The following ITGB2 variants were observed in gnomAD, a reference collection of about 807,000 sequenced individuals.
ITGB2 encodes integrin beta-2.
ITGB2 carries 56 observed loss-of-function variants against 86.8 expected under a neutral mutation model. The ratio of observed to expected loss-of-function variants is 0.65; its 90% CI spans 0.52 to 0.81. ITGB2 has a LOEUF of 0.81. Among genes scored for constraint, ITGB2 ranks in the 30% least tolerant of loss-of-function variants. ITGB2 has a pLI of 0.00. For missense variants in ITGB2, 948 were observed against 1,061.2 expected (o/e 0.89, Z 1.48); for synonymous variants, 457 against 450.4 (o/e 1.01, Z -0.19).
At chr21:44,928,281 CT>C (rs898676683) in intron 1 of ITGB2, 1 of 152,240 alleles carries the variant, frequency 6.6e-6, no homozygotes, top group Non-Finnish European at 1.5e-5. Context: ...TCCAGGCCCC[CT>C]GGGGGTGGGA....
Position 44,895,078 on chromosome 21 carries a change from C to A in ITGB2, c.994-18G>T. ...GTGAGTTTCTGTTGGGCAAGAAGAC[C>A]AGACATGGCACGGCTAGGACCTGTG... is the stretch of plus-strand genomic sequence containing the variant. On this transcript the variant is annotated intron_variant, in intron 8 of 15. Transcript: ENST00000652462. 1 of 1,587,848 alleles carries A rather than the reference C, an allele frequency of 6.3e-7. No individual in the cohort carries two copies. Among genetic ancestry groups the A allele is most frequent in the South Asian group, 1.1e-5 (1 of 90,596 alleles).
At chr21:44,926,470 C>T (rs993548008) in intron 1 of ITGB2, among the ~76,000 whole-genome samples, 4 of 152,128 alleles carry the variant, frequency 2.6e-5, no homozygotes, top group African/African-American at 4.8e-5. Context: ...AAATGGCGAC[C>T]GCAGAAGGAA....
intron 3 of ITGB2, among the ~76,000 whole-genome samples, chr21:44,908,573 C>G (rs2011655): frequency 0.4 from 60,161 of 152,046 alleles, 12,361 homozygotes; most frequent in Admixed American, 0.52. Flanking sequence ...TTCATGTGGA[C>G]CCCTTAGAGT....
At chr21:44,906,650 A>C (rs745729228) in intron 4 of ITGB2, among the ~76,000 whole-genome samples, 17 of 151,814 alleles carry the variant, frequency 1.1e-4, no homozygotes, top group Non-Finnish European at 2.4e-4. Flanking sequence ...TAAAAAAAAA[A>C]GGTGCAGAAC....
chr21:44,914,560 G>T (rs1406298894), intron 1 of ITGB2, among the ~76,000 whole-genome samples: 1 of 152,220 alleles, frequency 6.6e-6, no homozygotes, highest in Non-Finnish European at 1.5e-5. Flanking sequence ...GAAGAGACCT[G>T]CAGCAGATCC....
intron 8 of ITGB2, among the ~76,000 whole-genome samples, chr21:44,897,474 G>A (rs571268944): frequency 3.9e-5 from 6 of 152,328 alleles, no homozygotes; most frequent in South Asian, 4.1e-4. Context: ...CCAGCAGGTC[G>A]GTCACTGTCC....
At chr21:44,889,627 A>T in intron 12 of ITGB2, 132 bp from the exon 13 acceptor site, 1 of 928,056 alleles carries the variant, frequency 1.1e-6, no homozygotes, top group Non-Finnish European at 1.7e-6. Flanking sequence ...AGCAAAAGGC[A>T]TGGGGCCACT....
At chr21:44,908,400 A>ATATTAT (rs201492411) in intron 3 of ITGB2, among the ~76,000 whole-genome samples, 5 of 151,596 alleles carry the variant, frequency 3.3e-5, no homozygotes, top group Admixed American at 6.6e-5. Flanking sequence ...TAAACTAATA[A>ATATTAT]TATTATTATT....
At chr21:44,889,138 C>G in intron 13 of ITGB2, 138 bp downstream of exon 13, 1 of 833,898 alleles carries the variant, frequency 1.2e-6, no homozygotes. Flanking sequence ...CCGCGGAGGG[C>G]CCCTCAGTCC....
chr21:44,906,030 G>T (rs2084036735), intron 4 of ITGB2, among the ~76,000 whole-genome samples: 1 of 152,020 alleles, frequency 6.6e-6, no homozygotes, highest in South Asian at 2.1e-4. Context: ...CCTCACTGTG[G>T]CCTGGGAGGT....
intron 8 of ITGB2, among the ~76,000 whole-genome samples, chr21:44,896,372 C>A (rs949324586): frequency 5.3e-5 from 8 of 152,238 alleles, no homozygotes; most frequent in African/African-American, 1.7e-4. Flanking sequence ...AGCCCGGTGA[C>A]ATCGGTTCTG....
At chr21:44,891,122 A>C (rs1413081428) in intron 11 of ITGB2, among the ~76,000 whole-genome samples, 1 of 152,208 alleles carries the variant, frequency 6.6e-6, no homozygotes, top group African/African-American at 2.4e-5. Flanking sequence ...CTGGGAGGTC[A>C]GCCTAGCAGC....
chr21:44,897,383 G>C (rs978122249), intron 8 of ITGB2, among the ~76,000 whole-genome samples: 7 of 152,240 alleles, frequency 4.6e-5, no homozygotes, highest in African/African-American at 7.2e-5. Flanking sequence ...CAGCTGGGCA[G>C]AGCCCCAGGC....
chr21:44,901,292 G>A lies in ITGB2; in HGVS notation c.741+200C>T, dbSNP rs35934861. ...ACAATGAAATCAGCGCATGATTTTCGAGCCCTCGTGGTCACCCTCCCTTCC... is the reference window on the plus strand; with the variant it reads ...ACAATGAAATCAGCGCATGATTTTCAAGCCCTCGTGGTCACCCTCCCTTCC... On this transcript the variant is annotated intron_variant, in intron 6 of 15. Transcript: ENST00000652462. Among the ~76,000 whole-genome samples, 36,328 of 152,172 alleles carry A rather than the reference G, an allele frequency of 0.24. 4,911 individuals are homozygous for A. Among genetic ancestry groups the A allele is most frequent in the Admixed American group, 0.32 (4,884 of 15,300 alleles).
At chr21:44,912,202 A>T (rs971059268) in intron 1 of ITGB2, among the ~76,000 whole-genome samples, 3 of 152,152 alleles carry the variant, frequency 2.0e-5, no homozygotes, top group African/African-American at 7.2e-5. Flanking sequence ...GGGCCACCCA[A>T]GGTTCAGTGG....
rs1006758335 is a variant in ITGB2 at position 44,889,442 on chromosome 21, A to C, written c.1711T>G (p.Ser571Ala). The C allele has an allele frequency of 6.2e-7, 1 of 1,604,020 alleles. No individual in the cohort carries two copies. Among genetic ancestry groups the C allele is most frequent in the Non-Finnish European group, 8.5e-7 (1 of 1,175,820 alleles). Residue 571 changes from serine to alanine, a missense_variant, in exon 13 of 16, where the codon TCA becomes GCA. Physicochemically the swap from Ser to Ala is moderately conservative, Grantham distance 99. Transcript: ENST00000652462. ...KCRCHPGFEG[S>A]ACQCERTTEG... ...GTGGTCCTCTCGCACTGGCACGCTGAGCCCTCAAAGCCCGGGTGGCAGCGG... is the reference window on the plus strand; with the variant it reads ...GTGGTCCTCTCGCACTGGCACGCTGCGCCCTCAAAGCCCGGGTGGCAGCGG...
At chr21:44,890,733 C>T (rs1278307350) in intron 11 of ITGB2, among the ~76,000 whole-genome samples, 1 of 152,190 alleles carries the variant, frequency 6.6e-6, no homozygotes, top group Non-Finnish European at 1.5e-5. Flanking sequence ...GCCACACACA[C>T]CCTGAGGCAT....
chr21:44,889,072 C>G, intron 13 of ITGB2, 177 bp from the exon 14 acceptor site: 1 of 705,202 alleles, frequency 1.4e-6, no homozygotes, highest in South Asian at 1.7e-5. Flanking sequence ...GAAGCCTGAT[C>G]CCAGGGCCCG....
At chr21:44,889,888 T>G in intron 12 of ITGB2, 90 bp downstream of exon 12, 3 of 1,532,820 alleles carry the variant, frequency 2.0e-6, no homozygotes, top group Non-Finnish European at 2.7e-6. Flanking sequence ...CCCCTTTCTG[T>G]TCCACTCGTT....
Sources: allele counts gnomAD v4.1 joint callset (sites outside exome capture counted in the v4.1 genomes callset), GRCh38; gene constraint gnomAD v4.1.1; transcripts MANE v1.5; gene names NCBI Gene and HGNC (gene_info 2026-07-23, HGNC 2026-07-21).